The following TMF1 variants were observed in gnomAD, a reference collection of about 807,000 sequenced individuals.
TMF1 encodes the protein TATA element modulatory factor.
In TMF1, 71 loss-of-function variants were observed where a neutral mutation model predicts 126.5. The observed-to-expected ratio is 0.56, with a 90% CI of 0.46 to 0.68. The LOEUF (loss-of-function observed/expected upper bound fraction) is 0.68, where lower values mean the gene tolerates loss of function less well. Among genes scored for constraint, TMF1 ranks in the 30% least tolerant of loss-of-function variants. The pLI is 0.00. For missense variants in TMF1, 1,259 were observed against 1,253.2 expected (o/e 1.00, Z -0.07); for synonymous variants, 461 against 430.5 (o/e 1.07, Z -0.88).
At chr3:69,033,763 T>G in intron 9 of TMF1, 59 bp from the exon 10 acceptor site, 2 of 1,439,094 alleles carry the variant, frequency 1.4e-6, no homozygotes. Flanking sequence ...TTAAAAACAC[T>G]AGCAAACCTG....
At chr3:69,043,264 G>A (rs1036732655) in intron 4 of TMF1, among the ~76,000 whole-genome samples, 1 of 152,024 alleles carries the variant, frequency 6.6e-6, no homozygotes, top group Non-Finnish European at 1.5e-5. Flanking sequence ...CAACCTCCCA[G>A]GCTCAGGTGA....
intron 2 of TMF1, 51 bp from the exon 3 acceptor site, chr3:69,044,646 C>A: frequency 8.7e-7 from 1 of 1,147,046 alleles, no homozygotes; most frequent in South Asian, 1.4e-5. Context: ...TAAAAAAGAC[C>A]ATTTTTACAT....
Position 69,029,861 on chromosome 3 carries a change from C to G in TMF1, c.2548G>C (p.Glu850Gln). The G allele has an allele frequency of 6.2e-7, 1 of 1,613,780 alleles. No individual in the cohort carries two copies. Among genetic ancestry groups the G allele is most frequent in the Non-Finnish European group, 8.5e-7 (1 of 1,179,836 alleles). ...TTACACAGCCTATTTTTCTCTGATT[C>G]TAGCTGGGCTTGAAATCTACTGTTT... ...QENSRFQAQL[E>Q]SEKNRLCKLE... is the part of the protein sequence containing the mutation. The change falls in exon 11 of 17, where the codon GAA (glutamate) becomes CAA (glutamine). Residue 850 changes from glutamate to glutamine, a missense_variant. Physicochemically the swap from Glu to Gln is conservative, Grantham distance 29. Transcript: ENST00000398559.
intron 1 of TMF1, among the ~76,000 whole-genome samples, chr3:69,051,244 A>T (rs2091926400): frequency 6.6e-6 from 1 of 152,144 alleles, no homozygotes; most frequent in Non-Finnish European, 1.5e-5. Context: ...TAGGAGGCCG[A>T]GGTGGGTGGA....
intron 13 of TMF1, 63 bp downstream of exon 13, chr3:69,027,837 A>G (rs1237601739): frequency 7.3e-6 from 6 of 819,816 alleles, no homozygotes; most frequent in Non-Finnish European, 1.2e-5. Flanking sequence ...TTAAAAAGCA[A>G]TGATTAATCA....
chr3:69,047,815 G>C lies in TMF1; in HGVS notation c.890C>G (p.Ser297Cys). Residue 297 changes from serine (S) to cysteine (C), a missense_variant, in exon 2 of 17, where the codon TCT becomes TGT. By Grantham distance (112) the Ser-to-Cys change is moderately radical. Transcript: ENST00000398559. ...ATTATATTCAGGACAAGCAGATGCA[G>C]AGAGAAGCTGAAAAGATGTCTGCAT... ...HLMQTSFQLL[S>C]ASACPEYNRL... 1 of 1,614,088 alleles carries C rather than the reference G, an allele frequency of 6.2e-7. No individual in the cohort carries two copies. Among genetic ancestry groups the C allele is most frequent in the Non-Finnish European group, 8.5e-7 (1 of 1,180,026 alleles).
At chr3:69,040,740 G>A (rs535744887) in intron 5 of TMF1, among the ~76,000 whole-genome samples, 4 of 152,216 alleles carry the variant, frequency 2.6e-5, no homozygotes, top group African/African-American at 9.6e-5. Flanking sequence ...TGGCCAACAT[G>A]GTGAAACCCC....
chr3:69,028,101 C>G, intron 12 of TMF1, 109 bp from the exon 13 acceptor site: 1 of 1,135,308 alleles, frequency 8.8e-7, no homozygotes, highest in African/African-American at 1.6e-5. Context: ...TGTTTTCCTA[C>G]TAAAGACCAA....
chr3:69,038,898 C>T lies in TMF1; in HGVS notation c.1939G>A (p.Asp647Asn), dbSNP rs1179965154. ...CTTCGGTTCTTTTCTTCAAGTTCATCCATGTCTACCTGAAGACGGCCAAGA... is the reference window on the plus strand; with the variant it reads ...CTTCGGTTCTTTTCTTCAAGTTCATTCATGTCTACCTGAAGACGGCCAAGA... Reference protein sequence around the residue: ...KDLGRLQVDMDELEEKNRSIQ... With the variant: ...KDLGRLQVDMNELEEKNRSIQ... The change falls in exon 7 of 17, where the codon GAT (aspartate) becomes AAT (asparagine). Residue 647 changes from aspartate to asparagine, a missense_variant. Physicochemically the swap from Asp to Asn is conservative, Grantham distance 23 (BLOSUM62 1). Transcript: ENST00000398559. The T allele has an allele frequency of 1.2e-6, 2 of 1,612,082 alleles. No individual in the cohort carries two copies. The highest frequency in any genetic ancestry group is 1.7e-6 in the Non-Finnish European group (2 of 1,179,350).
Position 69,047,906 on chromosome 3 carries a change from C to G in TMF1, c.799G>C (p.Val267Leu). 1.2e-6 allele frequency: 2 copies of G among 1,613,894 alleles called. No homozygotes were observed. Among genetic ancestry groups the G allele is most frequent in the African/African-American group, 1.3e-5 (1 of 75,050 alleles). Residue 267 changes from valine to leucine, a missense_variant, in exon 2 of 17, where the codon GTA (valine) becomes CTA (leucine). Physicochemically the swap from Val to Leu is conservative, Grantham distance 32. Transcript: ENST00000398559. ...GAGCTCGCTGAGCTCTCACTTATTA[C>G]ACTTTCATGATCTAAAACTTCAATA... is the stretch of plus-strand genomic sequence containing the variant. ...SDIEVLDHESVISESSASSRQ... is the reference protein window; with the variant it reads ...SDIEVLDHESLISESSASSRQ...
chr3:69,039,119 C>CTTTGTCTCAAA, intron 6 of TMF1, 110 bp from the exon 7 acceptor site: 1 of 955,900 alleles, frequency 1.0e-6, no homozygotes, highest in Non-Finnish European at 1.5e-6. Flanking sequence ...TTTTTTGAGA[C>CTTTGTCTCAAA]AAAGTCTCGC....
Position 69,044,474 on chromosome 3 carries a change from C to A in TMF1, c.1451+18G>T. 7.3e-7 allele frequency: 1 copy of A among 1,368,496 alleles called. No homozygotes were observed. The highest frequency in any genetic ancestry group is 1.0e-6 in the Non-Finnish European group (1 of 979,454). 84.8% of individuals were successfully genotyped at this position (1,368,496 alleles called of 1,614,324 possible). On this transcript the variant is annotated intron_variant, in intron 3 of 16. Coordinates refer to ENST00000398559, the MANE Select transcript of TMF1 (RefSeq NM_007114.3). ...TCCAGAAAATGTGTAACATTATTCA[C>A]ATTTGCAGAATACTTACTCTTTCAG...
At chr3:69,023,639 T>C (rs547451948) in intron 16 of TMF1, among the ~76,000 whole-genome samples, 6 of 152,100 alleles carry the variant, frequency 3.9e-5, no homozygotes, top group Non-Finnish European at 5.9e-5. Context: ...TCCATGGTGG[T>C]ATAAGTATTA....
intron 13 of TMF1, 151 bp downstream of exon 13, chr3:69,027,749 C>T: frequency 2.3e-6 from 1 of 444,042 alleles, no homozygotes. Flanking sequence ...TTGTGTTGGG[C>T]TTCATTCAAA....
chr3:69,038,994 C>T lies in TMF1; in HGVS notation c.1843G>A (p.Glu615Lys). Residue 615 changes from glutamate (E) to lysine (K), a missense_variant, in exon 7 of 17, where the codon GAA (glutamate) becomes AAA (lysine). Glu to Lys is a moderately conservative substitution (Grantham distance 56). Transcript: ENST00000398559. Reference protein sequence around the residue: ...QHLKQVLDGKEEVEKQHRENI... With the variant: ...QHLKQVLDGKKEVEKQHRENI... ...TCTCTATGTTGTTTCTCAACCTCTT[C>T]TTTGCCATCAAGGACCTATATGTTA... 6.3e-7 allele frequency: 1 copy of T among 1,594,986 alleles called. No individual in the cohort carries two copies. Among genetic ancestry groups the T allele is most frequent in the Non-Finnish European group, 8.5e-7 (1 of 1,172,278 alleles).
intron 16 of TMF1, among the ~76,000 whole-genome samples, chr3:69,023,834 G>C (rs1239581691): frequency 2.6e-5 from 4 of 152,052 alleles, no homozygotes; most frequent in African/African-American, 9.7e-5. Context: ...ATGAAATCTA[G>C]TTCTTTTCCT....
At chr3:69,036,846 T>A (rs1183687794) in intron 8 of TMF1, among the ~76,000 whole-genome samples, 2 of 152,290 alleles carry the variant, frequency 1.3e-5, no homozygotes, top group East Asian at 3.9e-4. Flanking sequence ...CTGATGAAGA[T>A]CTGCATAAAC....
intron 1 of TMF1, among the ~76,000 whole-genome samples, chr3:69,051,602 G>C (rs1000072943): frequency 6.6e-6 from 1 of 152,184 alleles, no homozygotes; most frequent in African/African-American, 2.4e-5. Context: ...CCCGAGACGC[G>C]AAGCAATTCG....
chr3:69,028,064 T>C lies in TMF1; in HGVS notation c.2665-72A>G, dbSNP rs568108504. 1.3e-4 allele frequency: 148 copies of C among 1,167,818 alleles called. 1 individual carries two copies. The South Asian group carries it at 1.8e-3, about 14-fold the overall frequency. The allele number at this position is 1,167,818 out of a possible 1,614,324, so 72.3% of individuals were successfully genotyped here. On this transcript the variant is annotated intron_variant, in intron 12 of 16. Coordinates refer to ENST00000398559, the MANE Select transcript of TMF1 (RefSeq NM_007114.3). ...TGCCATGATAAGTCAATCTCAAAGT[T>C]AGAAGCATAAAGTATAAACTCATAT...
Sources: gnomAD v4.1 joint callset for allele counts (sites outside exome capture counted in the v4.1 genomes callset) on GRCh38, gnomAD v4.1.1 for gene constraint, MANE v1.5 for transcripts, NCBI Gene and HGNC (gene_info 2026-07-23, HGNC 2026-07-21) for gene names.